RNF216: variants seen among roughly 807,000 people sequenced by gnomAD.
RNF216 encodes the protein ring finger protein 216.
Under a neutral mutation model 110.8 loss-of-function variants are expected in RNF216, and 72 were observed. The ratio of observed to expected loss-of-function variants is 0.65; its 90% CI spans 0.54 to 0.79. The LOEUF (loss-of-function observed/expected upper bound fraction) is 0.79, where lower values mean the gene tolerates loss of function less well. Ranked by LOEUF, RNF216 falls within the 30% of genes least tolerant of loss-of-function variation. The pLI is 0.00. For missense variants in RNF216, 1,342 were observed against 1,141.2 expected (o/e 1.18, Z -2.54); for synonymous variants, 495 against 407.5 (o/e 1.21, Z -2.59).
chr7:5,648,749 A>G (rs1342352190), intron 14 of RNF216, among the ~76,000 whole-genome samples: 1 of 151,756 alleles, frequency 6.6e-6, no homozygotes, highest in Non-Finnish European at 1.5e-5. Context: ...AAAGAAAAGA[A>G]AAAAAGAAAA....
chr7:5,675,679 G>A (rs146746929), intron 13 of RNF216, among the ~76,000 whole-genome samples: 165 of 151,454 alleles, frequency 1.1e-3, no homozygotes, highest in African/African-American at 3.8e-3. Flanking sequence ...AAGGAGCAAG[G>A]TCATGAAGCC....
At chr7:5,718,098 G>C (rs972002733) in intron 9 of RNF216, among the ~76,000 whole-genome samples, 28 of 152,160 alleles carry the variant, frequency 1.8e-4, no homozygotes, top group African/African-American at 6.8e-4. Flanking sequence ...ACAAAGCAGG[G>C]GGCCAGGTGC....
chr7:5,757,412 T>TTGTG (rs35309611), intron 2 of RNF216, among the ~76,000 whole-genome samples: 54 of 151,394 alleles, frequency 3.6e-4, no homozygotes, highest in Admixed American at 5.3e-4. Context: ...TCAGCTCTTT[T>TTGTG]TGTGTGTGTG....
chr7:5,641,804 G>A (rs954681904), intron 14 of RNF216, among the ~76,000 whole-genome samples: 1 of 152,072 alleles, frequency 6.6e-6, no homozygotes, highest in Non-Finnish European at 1.5e-5. Context: ...AGAGGCCAAA[G>A]CAGGAAGATC....
intron 13 of RNF216, among the ~76,000 whole-genome samples, chr7:5,671,581 G>T (rs1021536011): frequency 6.6e-6 from 1 of 152,092 alleles, no homozygotes; most frequent in African/African-American, 2.4e-5. Flanking sequence ...AAGGCGGGCG[G>T]ATCAAGAGGT....
At chr7:5,706,138 T>A (rs1792272836) in intron 13 of RNF216, among the ~76,000 whole-genome samples, 1 of 150,094 alleles carries the variant, frequency 6.7e-6, no homozygotes, top group Admixed American at 6.7e-5. Context: ...GAGAATCGCT[T>A]GCACCCGGAA....
intron 13 of RNF216, among the ~76,000 whole-genome samples, chr7:5,659,650 G>C (rs1470361984): frequency 6.6e-6 from 1 of 152,206 alleles, no homozygotes; most frequent in Non-Finnish European, 1.5e-5. Context: ...GTAGGACCTT[G>C]CAGCACCCCC....
intron 13 of RNF216, among the ~76,000 whole-genome samples, chr7:5,692,303 C>T (rs1465437531): frequency 1.3e-5 from 2 of 152,208 alleles, no homozygotes; most frequent in East Asian, 1.9e-4. Context: ...CTAACTGTTA[C>T]ACATACTAGG....
chr7:5,682,223 C>A (rs1790700116), intron 13 of RNF216, among the ~76,000 whole-genome samples: 1 of 152,150 alleles, frequency 6.6e-6, no homozygotes, highest in Admixed American at 6.6e-5. Context: ...GACTTTTTCT[C>A]AAATCTAGAC....
At chr7:5,642,299 G>A (rs564276973) in intron 14 of RNF216, among the ~76,000 whole-genome samples, 56 of 150,508 alleles carry the variant, frequency 3.7e-4, no homozygotes, top group Non-Finnish European at 6.1e-4. Flanking sequence ...TGCAACCTCC[G>A]CCTCCCCGGG....
At chr7:5,769,541 G>A in intron 1 of RNF216, among the ~76,000 whole-genome samples, 1 of 151,864 alleles carries the variant, frequency 6.6e-6, no homozygotes, top group East Asian at 2.0e-4. Context: ...TGGGCAACAT[G>A]GTGAAACGCT....
At chr7:5,665,446 A>G (rs988594735) in intron 13 of RNF216, among the ~76,000 whole-genome samples, 1 of 152,130 alleles carries the variant, frequency 6.6e-6, no homozygotes, top group East Asian at 1.9e-4. Context: ...GCTTTGAAAA[A>G]AGAAATCTTG....
intron 13 of RNF216, among the ~76,000 whole-genome samples, chr7:5,686,732 C>T (rs145645919): frequency 1.6e-3 from 244 of 152,318 alleles, no homozygotes; most frequent in Middle Eastern, 0.01. Context: ...CTTAAAACAG[C>T]GGTCCCCAAC....
intron 13 of RNF216, among the ~76,000 whole-genome samples, chr7:5,667,883 T>C (rs1274798521): frequency 6.6e-6 from 1 of 152,154 alleles, no homozygotes; most frequent in Non-Finnish European, 1.5e-5. Context: ...AAGGAGCCAC[T>C]GGGGTCTGGG....
In RNF216 at chr7:5,692,341, A is replaced by G. The variant is rs578180480; in HGVS notation, c.2061+19420T>C. Among the ~76,000 whole-genome samples the G allele has an allele frequency of 2.4e-3, 373 of 152,382 alleles. 2 individuals are homozygous for G. Among genetic ancestry groups the G allele is most frequent in the Non-Finnish European group, 2.8e-3 (191 of 68,034 alleles). The stretch of plus-strand genomic sequence containing the variant: ...AGTAACAACTTTATTTGCTGATTTC[A>G]CAACCCAAAGCAGACATTTTTAAAA... On this transcript the variant is annotated intron_variant, in intron 13 of 16. Transcript: ENST00000389902.
chr7:5,741,472 T>G lies in RNF216; in HGVS notation c.545A>C (p.Glu182Ala). ...PRSEQKVIIL[E>A]EGSLLYTESD... ...TTCTGTGTAAAGAAGGCTACCTTCT[T>G]CCAAGATGATGACTTTCTGCTCTGA... Residue 182 changes from glutamate (E) to alanine (A), a missense_variant, in exon 4 of 17, where the codon GAA (glutamate) becomes GCA (alanine). Physicochemically the swap from Glu to Ala is moderately radical, Grantham distance 107. Transcript: ENST00000389902. 2.5e-6 allele frequency: 4 copies of G among 1,614,184 alleles called. No individual in the cohort carries two copies. The highest frequency in any genetic ancestry group is 3.3e-4 in the Middle Eastern group (2 of 6,062).
intron 15 of RNF216, among the ~76,000 whole-genome samples, chr7:5,627,225 G>A (rs57926060): frequency 0.013 from 2,020 of 152,210 alleles, 43 homozygotes; most frequent in African/African-American, 0.046. Flanking sequence ...CACACACACC[G>A]GGCCACTCAA....
chr7:5,764,104 T>C (rs1400482919), intron 1 of RNF216, among the ~76,000 whole-genome samples: 4 of 151,642 alleles, frequency 2.6e-5, no homozygotes, highest in African/African-American at 7.3e-5. Flanking sequence ...GGCAGGAGAA[T>C]TGCTTCAACC....
chr7:5,659,221 TTC>T (rs1215400572), intron 13 of RNF216, among the ~76,000 whole-genome samples: 1 of 152,210 alleles, frequency 6.6e-6, no homozygotes, highest in East Asian at 1.9e-4. Context: ...TCTGCTGAAT[TTC>T]TGTCATTTGT....
Sources: allele counts gnomAD v4.1 joint callset (sites outside exome capture counted in the v4.1 genomes callset), GRCh38; gene constraint gnomAD v4.1.1; transcripts MANE v1.5; gene names NCBI Gene and HGNC (gene_info 2026-07-23, HGNC 2026-07-21).